The following VWC2L variants were observed in gnomAD, a reference collection of about 807,000 sequenced individuals.
VWC2L encodes von Willebrand factor C domain-containing protein 2-like.
VWC2L carries 10 observed loss-of-function variants against 21.6 expected under a neutral mutation model. That is an observed-to-expected ratio of 0.46 (90% CI 0.29 to 0.78). VWC2L has a LOEUF of 0.78. VWC2L is among the 30% of genes least tolerant of loss of function. VWC2L has a pLI of 0.10. For synonymous variants in VWC2L, 96 were observed against 94.3 expected, an observed-to-expected ratio of 1.02 and a Z score of -0.10; for missense variants, 209 against 277.1, an observed-to-expected ratio of 0.75 and a Z score of 1.74.
At chr2:214,476,395 A>G (rs1282234119) in intron 3 of VWC2L, among the ~76,000 whole-genome samples, 2 of 152,176 alleles carry the variant, frequency 1.3e-5, no homozygotes, top group Non-Finnish European at 2.9e-5. Context: ...TTCATATAGT[A>G]ATAGTATAGT....
chr2:214,515,585 G>A (rs1020013678), intron 3 of VWC2L, among the ~76,000 whole-genome samples: 7 of 151,888 alleles, frequency 4.6e-5, no homozygotes, highest in South Asian at 2.1e-4. Flanking sequence ...ACGGAGTCTC[G>A]CTCTGTCACC....
At chr2:214,418,439 C>G (rs752348610) in intron 2 of VWC2L, among the ~76,000 whole-genome samples, 1 of 152,044 alleles carries the variant, frequency 6.6e-6, no homozygotes, top group Non-Finnish European at 1.5e-5. Flanking sequence ...AGAATCTAAG[C>G]TCCTCACCAC....
chr2:214,518,095 G>T (rs1296394143), intron 3 of VWC2L, among the ~76,000 whole-genome samples: 1 of 152,038 alleles, frequency 6.6e-6, no homozygotes, highest in Non-Finnish European at 1.5e-5. Context: ...GAACTCAGGA[G>T]GCCGAGCTTG....
intron 3 of VWC2L, among the ~76,000 whole-genome samples, chr2:214,560,331 A>G (rs1295631514): frequency 3.3e-5 from 5 of 152,164 alleles, no homozygotes; most frequent in Non-Finnish European, 7.3e-5. Flanking sequence ...AACACAGAGA[A>G]TAAAAATAGG....
intron 3 of VWC2L, among the ~76,000 whole-genome samples, chr2:214,515,010 A>C (rs1217957053): frequency 6.6e-6 from 1 of 152,188 alleles, no homozygotes; most frequent in Admixed American, 6.5e-5. Context: ...AGAAGAGATA[A>C]AAATGTTAAA....
chr2:214,481,766 T>C (rs1291797882), intron 3 of VWC2L, among the ~76,000 whole-genome samples: 1 of 152,218 alleles, frequency 6.6e-6, no homozygotes, highest in Admixed American at 6.5e-5. Context: ...CATTCTAATT[T>C]TGTAATATGA....
chr2:214,420,522 A>G (rs147781825), intron 2 of VWC2L, among the ~76,000 whole-genome samples: 283 of 152,336 alleles, frequency 1.9e-3, no homozygotes, highest in African/African-American at 6.6e-3. Context: ...AAAGCACAGG[A>G]ACTAAGTCAG....
At chr2:214,417,172 C>G (rs1702369649) in intron 2 of VWC2L, among the ~76,000 whole-genome samples, 1 of 151,968 alleles carries the variant, frequency 6.6e-6, no homozygotes, top group African/African-American at 2.4e-5. Flanking sequence ...GTTGATATGT[C>G]AATTAGGGAG....
chr2:214,530,050 T>C (rs781087779), intron 3 of VWC2L, among the ~76,000 whole-genome samples: 8 of 152,204 alleles, frequency 5.3e-5, no homozygotes, highest in Admixed American at 2.6e-4. Flanking sequence ...GCAATAAGCA[T>C]GTCAAAGTCA....
At chr2:214,471,956 G>A (rs536027234) in intron 3 of VWC2L, among the ~76,000 whole-genome samples, 1 of 152,188 alleles carries the variant, frequency 6.6e-6, no homozygotes, top group Non-Finnish European at 1.5e-5. Context: ...TAAATTAAGG[G>A]ACTCAGACAA....
intron 3 of VWC2L, among the ~76,000 whole-genome samples, chr2:214,520,927 A>C (rs1689228246): frequency 1.3e-5 from 2 of 152,078 alleles, no homozygotes; most frequent in South Asian, 4.1e-4. Context: ...GATTATTCAA[A>C]AGCTACCAAG....
intron 3 of VWC2L, among the ~76,000 whole-genome samples, chr2:214,541,098 A>G (rs1266406114): frequency 2.0e-5 from 3 of 152,106 alleles, no homozygotes; most frequent in African/African-American, 7.2e-5. Flanking sequence ...GCTTATACCA[A>G]CTCCAGAGAT....
chr2:214,508,898 A>G (rs988897745), intron 3 of VWC2L, among the ~76,000 whole-genome samples: 2 of 151,866 alleles, frequency 1.3e-5, no homozygotes, highest in African/African-American at 4.8e-5. Context: ...CGATTCCTCA[A>G]TGGTTTTTCT....
intron 3 of VWC2L, among the ~76,000 whole-genome samples, chr2:214,452,488 A>T (rs1702974191): frequency 6.6e-6 from 1 of 152,184 alleles, no homozygotes; most frequent in South Asian, 2.1e-4. Flanking sequence ...ACCACAGTAT[A>T]ATTTATCTGT....
At chr2:214,534,095 T>C (rs879894524) in intron 3 of VWC2L, 3 of 152,476 alleles carry the variant, frequency 2.0e-5, no homozygotes, top group Non-Finnish European at 4.4e-5. Context: ...GGGACATACA[T>C]AGGGCCAAAT....
At chr2:214,571,722 C>CTCATTCTCTTTCATTCTT (rs1690151957) in intron 3 of VWC2L, among the ~76,000 whole-genome samples, 1 of 152,158 alleles carries the variant, frequency 6.6e-6, no homozygotes, top group Non-Finnish European at 1.5e-5. Context: ...GATATTCTCT[C>CTCATTCTCTTTCATTCTT]TCATTCTCTT....
At chr2:214,471,393 T>C (rs2126193004) in intron 3 of VWC2L, among the ~76,000 whole-genome samples, 1 of 152,334 alleles carries the variant, frequency 6.6e-6, no homozygotes, top group East Asian at 1.9e-4. Context: ...TACAACTGTT[T>C]TATGCACTGT....
At chr2:214,473,085 T>C (rs1703333855) in intron 3 of VWC2L, among the ~76,000 whole-genome samples, 1 of 152,174 alleles carries the variant, frequency 6.6e-6, no homozygotes, top group Admixed American at 6.5e-5. Flanking sequence ...CACCCAATAG[T>C]CAAAAGTAAG....
intron 3 of VWC2L, among the ~76,000 whole-genome samples, chr2:214,550,574 A>G (rs1158126990): frequency 2.0e-5 from 3 of 151,900 alleles, no homozygotes; most frequent in Non-Finnish European, 2.9e-5. Context: ...ATTACCCATC[A>G]CCCCATTCAG....
Sources: allele counts gnomAD v4.1 joint callset (sites outside exome capture counted in the v4.1 genomes callset), GRCh38; gene constraint gnomAD v4.1.1; transcripts MANE v1.5; gene names NCBI Gene and HGNC (gene_info 2026-07-23, HGNC 2026-07-21).